SGCD: variants seen among roughly 807,000 people sequenced by gnomAD.
The protein encoded by SGCD is delta-sarcoglycan.
Under a neutral mutation model 36.6 loss-of-function variants are expected in SGCD, and 18 were observed. That is an observed-to-expected ratio of 0.49 (90% confidence interval 0.34 to 0.73). The LOEUF is 0.73. Among genes scored for constraint, SGCD ranks in the 30% least tolerant of loss-of-function variants. The pLI is 0.01. For synonymous variants in SGCD, 133 were observed against 130.6 expected (o/e 1.02, Z -0.12); for missense variants, 387 against 346.7 (o/e 1.12, Z -0.92).
chr5:156,175,889 A>G (rs538864191), intron 3 of SGCD, among the ~76,000 whole-genome samples: 1 of 152,166 alleles, frequency 6.6e-6, no homozygotes, highest in African/African-American at 2.4e-5. Context: ...ATTTATGATC[A>G]CCTCAGGTGG....
intron 3 of SGCD, among the ~76,000 whole-genome samples, chr5:156,348,154 T>C (rs1413442909): frequency 6.6e-6 from 1 of 152,100 alleles, no homozygotes; most frequent in Non-Finnish European, 1.5e-5. Flanking sequence ...GAATGAGGTA[T>C]TAAGCACTGT....
chr5:156,302,671 A>G (rs1441393845), intron 3 of SGCD, among the ~76,000 whole-genome samples: 2 of 152,286 alleles, frequency 1.3e-5, no homozygotes, highest in African/African-American at 4.8e-5. Flanking sequence ...AGGCTTTCCA[A>G]GTATTTAAGA....
chr5:156,185,444 G>A (rs918913549), intron 3 of SGCD, among the ~76,000 whole-genome samples: 1 of 151,936 alleles, frequency 6.6e-6, no homozygotes, highest in Non-Finnish European at 1.5e-5. Context: ...TCGATCTCCT[G>A]ACCTTGTGAT....
At chr5:156,071,643 A>C (rs1760567284) in intron 1 of SGCD, among the ~76,000 whole-genome samples, 1 of 152,184 alleles carries the variant, frequency 6.6e-6, no homozygotes, top group African/African-American at 2.4e-5. Context: ...CATGTCTATT[A>C]GGTCCGCTTG....
At chr5:156,369,201 G>C (rs899118323) in intron 3 of SGCD, among the ~76,000 whole-genome samples, 1 of 152,162 alleles carries the variant, frequency 6.6e-6, no homozygotes, top group African/African-American at 2.4e-5. Context: ...ACCTACCCCA[G>C]TGCTTAGAAC....
At chr5:155,951,834 A>G (rs943722125) in intron 1 of SGCD, among the ~76,000 whole-genome samples, 6 of 152,222 alleles carry the variant, frequency 3.9e-5, no homozygotes, top group African/African-American at 1.4e-4. Flanking sequence ...GAGGGAATAG[A>G]ATGAGGTCTT....
intron 3 of SGCD, among the ~76,000 whole-genome samples, chr5:156,137,605 G>A (rs113766967): frequency 2.6e-5 from 4 of 152,116 alleles, no homozygotes; most frequent in African/African-American, 9.6e-5. Context: ...TTAAAAATAT[G>A]TGAAGTATTT....
chr5:156,442,957 T>G (rs943039933), intron 3 of SGCD, among the ~76,000 whole-genome samples: 5 of 152,234 alleles, frequency 3.3e-5, no homozygotes, highest in South Asian at 4.1e-4. Context: ...ACCTACTTTA[T>G]AGAGGATGTA....
intron 4 of SGCD, among the ~76,000 whole-genome samples, chr5:156,530,099 T>C (rs1171517130): frequency 6.6e-6 from 1 of 152,200 alleles, no homozygotes; most frequent in East Asian, 1.9e-4. Flanking sequence ...GTGCAATAAA[T>C]AAGGTGGATT....
intron 7 of SGCD, among the ~76,000 whole-genome samples, chr5:156,666,939 T>G (rs1753067263): frequency 6.6e-6 from 1 of 152,160 alleles, no homozygotes; most frequent in South Asian, 2.1e-4. Flanking sequence ...AGAGTGACTT[T>G]GTCTCAAAAA....
rs2127701672 is a variant in SGCD at position 156,329,545 on chromosome 5, C to A, written c.-32C>A. ...TTTGTTCCTTGCAGAGACATTACTG[C>A]CGGGAGTGTTGAGTGAAGGGACCAG... On this transcript the variant is annotated 5_prime_UTR_variant, in exon 2 of 9. Coordinates refer to ENST00000337851, the MANE Select transcript of SGCD (RefSeq NM_000337.6). 3 of 1,611,948 alleles carry A rather than the reference C, an allele frequency of 1.9e-6. No homozygotes were observed. Among genetic ancestry groups the A allele is most frequent in the South Asian group, 1.1e-5 (1 of 90,964 alleles).
intron 1 of SGCD, among the ~76,000 whole-genome samples, chr5:155,887,821 A>G (rs1756043081): frequency 6.6e-6 from 1 of 152,208 alleles, no homozygotes; most frequent in Non-Finnish European, 1.5e-5. Flanking sequence ...AATACCAATA[A>G]TAACAACGAT....
At chr5:156,185,212 C>CTTTTT (rs755578762) in intron 3 of SGCD, among the ~76,000 whole-genome samples, 5 of 113,228 alleles carry the variant, frequency 4.4e-5, no homozygotes, top group Admixed American at 9.7e-5. Context: ...CTTTAATTTT[C>CTTTTT]TTTTTTTTTT....
intron 3 of SGCD, among the ~76,000 whole-genome samples, chr5:156,303,655 G>A (rs1457437424): frequency 1.3e-5 from 2 of 151,434 alleles, no homozygotes; most frequent in African/African-American, 4.9e-5. Flanking sequence ...ATGGCCCATG[G>A]GCTTATTAGT....
chr5:156,647,311 T>C (rs1276835950), intron 6 of SGCD, among the ~76,000 whole-genome samples, 153 bp from the exon 7 acceptor site: 1 of 152,186 alleles, frequency 6.6e-6, no homozygotes, highest in African/African-American at 2.4e-5. Context: ...TTCAATGCTT[T>C]CCTATCATGG....
chr5:156,211,374 G>A (rs755472639), intron 3 of SGCD, among the ~76,000 whole-genome samples: 6 of 152,116 alleles, frequency 3.9e-5, no homozygotes, highest in African/African-American at 9.7e-5. Context: ...TTGGGAGGCC[G>A]AGGGGGGCGG....
chr5:156,669,659 G>C (rs1753207799), intron 7 of SGCD, among the ~76,000 whole-genome samples: 1 of 152,114 alleles, frequency 6.6e-6, no homozygotes. Context: ...TGACTTCATT[G>C]AGCTTTAAAG....
At chr5:155,773,612 G>A in the SGCD span, among the ~76,000 whole-genome samples, 1 of 151,490 alleles carries the variant, frequency 6.6e-6, no homozygotes. Flanking sequence ...TTGGGAAGAC[G>A]GATATGTGAA....
intron 1 of SGCD, among the ~76,000 whole-genome samples, chr5:156,031,043 A>G (rs1759339245): frequency 6.6e-6 from 1 of 152,212 alleles, no homozygotes; most frequent in South Asian, 2.1e-4. Flanking sequence ...CTCAGTAGCC[A>G]GAGACAAGTG....
Sources: gnomAD v4.1 joint callset for allele counts (sites outside exome capture counted in the v4.1 genomes callset) on GRCh38, gnomAD v4.1.1 for gene constraint, MANE v1.5 for transcripts, NCBI Gene and HGNC (gene_info 2026-07-23, HGNC 2026-07-21) for gene names.